Variants in KLHL13 observed in about 807,000 individuals in gnomAD.
The protein encoded by KLHL13 is kelch like family member 13.
KLHL13 carries 10 observed loss-of-function variants against 37.1 expected under a neutral mutation model. That is an observed-to-expected ratio of 0.27 (90% CI 0.17 to 0.46). The LOEUF (loss-of-function observed/expected upper bound fraction) is 0.46, where lower values mean the gene tolerates loss of function less well. KLHL13 is among the 20% of genes least tolerant of loss of function. KLHL13 has a pLI of 1.00. For missense variants in KLHL13, 360 were observed against 509.3 expected (o/e 0.71, Z 2.82); for synonymous variants, 163 against 181.2 (o/e 0.90, Z 0.81).
intron 1 of KLHL13, among the ~76,000 whole-genome samples, chrX:118,019,225 T>G (rs2148005924): frequency 8.9e-6 from 1 of 111,850 alleles, no homozygotes; most frequent in Non-Finnish European, 1.9e-5. Context: ...CTCCTGCCCC[T>G]GTGTTTCTAT....
chrX:117,951,706 G>A (rs1933613079), intron 1 of KLHL13, among the ~76,000 whole-genome samples: 1 of 112,018 alleles, frequency 8.9e-6, no homozygotes, highest in African/African-American at 3.2e-5. Context: ...ATTTAAAATA[G>A]AACAGTATTA....
rs756108088 is a variant in KLHL13, at chrX:117,947,535, C to T, written c.99-1960G>A. 3 of 112,035 alleles carry T rather than the reference C, an allele frequency of 2.7e-5. No individual in the cohort carries two copies. In the South Asian group the frequency reaches 1.1e-3, roughly 42 times the overall value. 9.2% of individuals were successfully genotyped at this position (112,035 alleles called of 1,213,427 possible). ...GCTTTTTTGAGTAAACTACAAGTAACAACTTATTTACTTTGTCATTTGTCT... is the reference window on the plus strand; with the variant it reads ...GCTTTTTTGAGTAAACTACAAGTAATAACTTATTTACTTTGTCATTTGTCT... On this transcript the variant is annotated intron_variant, in intron 1 of 6. Transcript: ENST00000262820.
chrX:118,040,089 C>T (rs1386052603), intron 1 of KLHL13, among the ~76,000 whole-genome samples: 1 of 111,463 alleles, frequency 9.0e-6, no homozygotes, highest in Non-Finnish European at 1.9e-5. Context: ...AGACTTAGAT[C>T]ACAACACCCA....
At chrX:117,985,338 A>G (rs1454175460) in intron 1 of KLHL13, 13 of 1,121,347 alleles carry the variant, frequency 1.2e-5, no homozygotes, top group Non-Finnish European at 1.5e-5. Context: ...TAAAGTTAAG[A>G]GCTGTGATGC....
intron 1 of KLHL13, among the ~76,000 whole-genome samples, chrX:117,970,529 C>A (rs2053507142): frequency 9.0e-6 from 1 of 111,155 alleles, no homozygotes; most frequent in South Asian, 3.7e-4. Flanking sequence ...GTTACTTGAC[C>A]CAGTAATCTA....
intron 1 of KLHL13, among the ~76,000 whole-genome samples, chrX:117,986,253 C>T (rs2147937327): frequency 8.9e-6 from 1 of 111,821 alleles, no homozygotes; most frequent in South Asian, 3.7e-4. Flanking sequence ...AAGCATACAT[C>T]AAGTGAACTC....
intron 1 of KLHL13, among the ~76,000 whole-genome samples, chrX:118,096,367 C>T (rs1307885917): frequency 3.6e-5 from 4 of 111,439 alleles, no homozygotes; most frequent in Admixed American, 9.6e-5. Context: ...CACCCTCCCA[C>T]GACTAAACCA....
At chrX:118,041,591 T>A (rs145821879) in intron 1 of KLHL13, among the ~76,000 whole-genome samples, 9,395 of 110,230 alleles carry the variant, frequency 0.085, 350 homozygotes, top group Middle Eastern at 0.14. Context: ...AAGTGTAGAG[T>A]TTTATTGGTT....
chrX:118,077,040 T>C (rs1337139823), intron 1 of KLHL13, among the ~76,000 whole-genome samples: 2 of 110,517 alleles, frequency 1.8e-5, no homozygotes, highest in Non-Finnish European at 3.8e-5. Flanking sequence ...ATTATTGTAT[T>C]TTGCTTTCCA....
chrX:117,929,693 GCA>G (rs1932279154), intron 2 of KLHL13, among the ~76,000 whole-genome samples: 1 of 99,177 alleles, frequency 1.0e-5, no homozygotes, highest in Non-Finnish European at 2.0e-5. Context: ...TGTAATCCCA[GCA>G]CTTTGGGAGG....
intron 1 of KLHL13, among the ~76,000 whole-genome samples, chrX:117,982,603 C>A (rs1438311135): frequency 8.9e-6 from 1 of 111,788 alleles, no homozygotes; most frequent in Non-Finnish European, 1.9e-5. Context: ...ACCTTTAAGG[C>A]AGATGTGCTC....
intron 1 of KLHL13, among the ~76,000 whole-genome samples, chrX:118,095,281 A>G (rs1413875808): frequency 9.0e-6 from 1 of 110,701 alleles, no homozygotes; most frequent in African/African-American, 3.3e-5. Context: ...ACAAAGATCA[A>G]AAGAGACAAA....
chrX:117,918,669 A>G (rs1171698087), intron 4 of KLHL13, among the ~76,000 whole-genome samples: 1 of 111,698 alleles, frequency 9.0e-6, no homozygotes, highest in Non-Finnish European at 1.9e-5. Context: ...GAACTGGGTG[A>G]CTATCATTAA....
In KLHL13 at chrX:118,034,801, G is replaced by A. The variant is rs1229945469; in HGVS notation, c.-56+81707C>T. ...CCCTTCAAAAAATTAATGAATCCAG[G>A]AGCTGGTTTTTTGAAAGGATCAACA... On this transcript the variant is annotated intron_variant, in intron 1 of 6. Coordinates refer to the KLHL13 transcript ENST00000371882. 3.4e-4 allele frequency among the ~76,000 whole-genome samples: 22 copies of A among 64,681 alleles called. 1 individual carries two copies. The highest frequency in any genetic ancestry group is 1.8e-3 in the Admixed American group (10 of 5,614). 56.2% of individuals were successfully genotyped at this position (64,681 alleles called of 115,157 possible).
intron 2 of KLHL13, among the ~76,000 whole-genome samples, chrX:117,943,630 C>A (rs984265862): frequency 9.3e-6 from 1 of 107,402 alleles, no homozygotes; most frequent in African/African-American, 3.5e-5. Context: ...GCTATTGATA[C>A]TTTTGTATGC....
chrX:117,990,905 G>C (rs1006698147), intron 1 of KLHL13, among the ~76,000 whole-genome samples: 2 of 111,410 alleles, frequency 1.8e-5, no homozygotes. Flanking sequence ...TGTGCAGACT[G>C]GTGGAGGAGA....
chrX:117,949,031 C>T lies in KLHL13; in HGVS notation c.99-3456G>A, dbSNP rs1424255889. ...ACATTGTAATCTTGCCTCGAAATGT[C>T]CACATATTTAAAATTACCCGAACGG... On this transcript the variant is annotated intron_variant, in intron 1 of 6. Transcript: ENST00000262820. Among the ~76,000 whole-genome samples, 5 of 111,985 alleles carry T rather than the reference C, an allele frequency of 4.5e-5. No homozygotes were observed. In the East Asian group the frequency reaches 1.4e-3, roughly 31 times the overall value.
intron 1 of KLHL13, among the ~76,000 whole-genome samples, chrX:118,093,775 A>T (rs2055166922): frequency 9.0e-6 from 1 of 111,150 alleles, no homozygotes; most frequent in Non-Finnish European, 1.9e-5. Flanking sequence ...AAAACTGGTT[A>T]TTACAGGTTT....
rs184707598 is a variant in KLHL13 at position 118,066,673 on chromosome X, G to T, written c.-56+49835C>A. On this transcript the variant is annotated intron_variant, in intron 1 of 6. Transcript: ENST00000371882. ...ATCAAATTACAATATTTTGTTCTGA[G>T]AAAGACTACCAAGAAAATGAAAGGA... Among the ~76,000 whole-genome samples, 165 of 110,942 alleles carry T rather than the reference G, an allele frequency of 1.5e-3. 2 individuals carry two copies. Among genetic ancestry groups the T allele is most frequent in the African/African-American group, 5.2e-3 (160 of 30,583 alleles).
Sources: gnomAD v4.1 joint callset for allele counts (sites outside exome capture counted in the v4.1 genomes callset) on GRCh38, gnomAD v4.1.1 for gene constraint, MANE v1.5 for transcripts, NCBI Gene and HGNC (gene_info 2026-07-23, HGNC 2026-07-21) for gene names.